SUGCT: variants seen among roughly 807,000 people sequenced by gnomAD.
The protein encoded by SUGCT is succinyl-CoA:glutarate CoA-transferase.
In SUGCT, 41 loss-of-function variants were observed where a neutral mutation model predicts 55.0. The observed-to-expected ratio is 0.74, with a 90% confidence interval of 0.58 to 0.97. The LOEUF is 0.97. SUGCT is among the 50% of genes least tolerant of loss of function. The probability of loss-of-function intolerance (pLI) is 0.00; values close to 1 mark genes in which losing one functional copy is unlikely to be tolerated. For synonymous variants in SUGCT, 187 were observed against 200.4 expected (o/e 0.93, Z 0.56); for missense variants, 568 against 547.8 (o/e 1.04, Z -0.37).
At chr7:40,227,197 C>T (rs918495601) in intron 6 of SUGCT, among the ~76,000 whole-genome samples, 7 of 151,822 alleles carry the variant, frequency 4.6e-5, no homozygotes, top group African/African-American at 1.5e-4. Flanking sequence ...CAGGCACCCG[C>T]CACCACGCCT....
intron 8 of SUGCT, among the ~76,000 whole-genome samples, chr7:40,312,776 G>C (rs1795231031): frequency 6.6e-6 from 1 of 152,184 alleles, no homozygotes; most frequent in East Asian, 1.9e-4. Flanking sequence ...AATGTGGGCA[G>C]GTGGGTGATT....
At position 40,274,590 on chromosome 7, in the gene SUGCT, T is replaced by C; in HGVS notation, c.654T>C (p.Ala218=). 6.2e-7 allele frequency: 1 copy of C among 1,613,810 alleles called. No homozygotes were observed. Among genetic ancestry groups the C allele is most frequent in the Non-Finnish European group, 8.5e-7 (1 of 1,179,764 alleles). Residue 218 remains alanine, a synonymous_variant, in exon 8 of 14, where the codon GCT becomes GCC. Coordinates refer to ENST00000335693, the MANE Select transcript of SUGCT (RefSeq NM_001193313.2). ...TGTATGCATATGGAGCTATTATGGC[T>C]GGATTGATACAAAAATACAAAACTG... ...TGLYAYGAIM[A]GLIQKYKTGK...
In SUGCT at chr7:40,139,159, T is replaced by TC. The variant is rs1411938712; in HGVS notation, c.100+4039_100+4040insC. Among the ~76,000 whole-genome samples, 961 of 151,208 alleles carry TC rather than the reference T, an allele frequency of 6.4e-3. 9 individuals are homozygous for TC. The highest frequency in any genetic ancestry group is 0.023 in the African/African-American group (930 of 41,312). ...ATAAATAAATAAATAAATAAATAAA[T>TC]AAATAAATAAATAAATAAATCCAGG... On this transcript the variant is annotated intron_variant, in intron 1 of 13. Coordinates refer to ENST00000335693, the MANE Select transcript of SUGCT (RefSeq NM_001193313.2).
the SUGCT span, among the ~76,000 whole-genome samples, chr7:40,954,251 C>T: frequency 1.3e-5 from 2 of 152,244 alleles, no homozygotes; most frequent in Non-Finnish European, 2.9e-5. Context: ...CCCTCTGAGC[C>T]AGGCGTGGGA....
intron 7 of SUGCT, among the ~76,000 whole-genome samples, chr7:40,272,728 CAG>C (rs1792173478): frequency 6.7e-6 from 1 of 149,974 alleles, no homozygotes; most frequent in Non-Finnish European, 1.5e-5. Flanking sequence ...GGCACGATCT[CAG>C]CTCACTGCAG....
intron 13 of SUGCT, among the ~76,000 whole-genome samples, chr7:40,820,135 G>C (rs1207445941): frequency 6.6e-6 from 1 of 152,090 alleles, no homozygotes; most frequent in Non-Finnish European, 1.5e-5. Context: ...CTCTGTTTTG[G>C]TACCAGTACC....
intron 7 of SUGCT, among the ~76,000 whole-genome samples, chr7:40,239,413 C>T (rs993315873): frequency 1.3e-5 from 2 of 152,116 alleles, no homozygotes; most frequent in African/African-American, 4.8e-5. Flanking sequence ...GTTTTCTTTC[C>T]ATCCATTGAG....
intron 12 of SUGCT, among the ~76,000 whole-genome samples, chr7:40,510,963 C>G (rs554153236): frequency 6.6e-6 from 1 of 152,156 alleles, no homozygotes; most frequent in East Asian, 1.9e-4. Flanking sequence ...GAAGAGAAAA[C>G]ACAGGTTTAG....
chr7:40,299,332 A>C (rs985976181), intron 8 of SUGCT, among the ~76,000 whole-genome samples: 3 of 152,192 alleles, frequency 2.0e-5, no homozygotes, highest in Middle Eastern at 3.2e-3. Flanking sequence ...ACCACGTGAC[A>C]TTGTGATCCC....
intron 7 of SUGCT, among the ~76,000 whole-genome samples, chr7:40,258,003 A>G (rs1584485689): frequency 6.6e-6 from 1 of 152,214 alleles, no homozygotes; most frequent in South Asian, 2.1e-4. Context: ...TTCTGCAAAC[A>G]CTGAACCAGG....
intron 8 of SUGCT, 80 bp downstream of exon 8, chr7:40,274,736 C>A: frequency 7.6e-7 from 1 of 1,319,388 alleles, no homozygotes; most frequent in Non-Finnish European, 1.1e-6. Flanking sequence ...ATTCTATGGT[C>A]ACATGTACAA....
intron 6 of SUGCT, among the ~76,000 whole-genome samples, chr7:40,229,238 G>A (rs779119289): frequency 2.6e-5 from 4 of 152,176 alleles, no homozygotes; most frequent in African/African-American, 9.7e-5. Context: ...AAGAATATGC[G>A]CTGGGTGCGG....
intron 12 of SUGCT, among the ~76,000 whole-genome samples, chr7:40,585,225 G>C (rs551236115): frequency 3.3e-5 from 5 of 152,272 alleles, no homozygotes; most frequent in African/African-American, 1.2e-4. Context: ...AAGCATTGTG[G>C]TTTCAGACAG....
chr7:40,764,184 A>G (rs960161190), intron 13 of SUGCT, among the ~76,000 whole-genome samples: 1 of 152,220 alleles, frequency 6.6e-6, no homozygotes, highest in Non-Finnish European at 1.5e-5. Context: ...GAAGTTCCCA[A>G]ATATGAGCAT....
intron 12 of SUGCT, among the ~76,000 whole-genome samples, chr7:40,593,494 A>G (rs1797839624): frequency 6.6e-6 from 1 of 152,168 alleles, no homozygotes; most frequent in African/African-American, 2.4e-5. Context: ...AAGTTTGAGA[A>G]CACTCTAATA....
chr7:40,168,794 T>C (rs1784538872), intron 1 of SUGCT, among the ~76,000 whole-genome samples: 1 of 152,258 alleles, frequency 6.6e-6, no homozygotes, highest in Admixed American at 6.5e-5. Flanking sequence ...TTCCCCATTC[T>C]ATTTCTTCTG....
the SUGCT span, among the ~76,000 whole-genome samples, chr7:41,020,077 A>G: frequency 1.3e-5 from 2 of 152,140 alleles, no homozygotes; most frequent in African/African-American, 4.8e-5. Flanking sequence ...ATAACACTCA[A>G]TTGTCAAGGG....
At chr7:40,949,176 G>A in the SUGCT span, among the ~76,000 whole-genome samples, 1 of 152,166 alleles carries the variant, frequency 6.6e-6, no homozygotes, top group African/African-American at 2.4e-5. Flanking sequence ...ATCTCATTGT[G>A]GTTTTGATTT....
chr7:40,137,286 C>A (rs1313582531), intron 1 of SUGCT, among the ~76,000 whole-genome samples: 1 of 152,008 alleles, frequency 6.6e-6, no homozygotes, highest in Non-Finnish European at 1.5e-5. Flanking sequence ...TGCTACCATG[C>A]CTGGCTAATT....
Sources: gnomAD v4.1 joint callset for allele counts (sites outside exome capture counted in the v4.1 genomes callset) on GRCh38, gnomAD v4.1.1 for gene constraint, MANE v1.5 for transcripts, NCBI Gene and HGNC (gene_info 2026-07-23, HGNC 2026-07-21) for gene names.